The following MIGA1 variants were observed in gnomAD, a reference collection of about 807,000 sequenced individuals.
MIGA1 encodes mitoguardin 1, also known as family with sequence similarity 73, member A.
In MIGA1, 58 loss-of-function variants were observed where a neutral mutation model predicts 82.0. The ratio of observed to expected loss-of-function variants is 0.71; its 90% CI spans 0.57 to 0.88. The LOEUF (loss-of-function observed/expected upper bound fraction) is 0.88. MIGA1 is among the 40% of genes least tolerant of loss of function. The pLI, the probability that MIGA1 is intolerant of heterozygous loss-of-function variation, is 0.00. For synonymous variants in MIGA1, 249 were observed against 253.6 expected (o/e 0.98, Z 0.17); for missense variants, 751 against 749.1 (o/e 1.00, Z -0.03).
rs1294790913 is a variant in MIGA1, at chr1:77,875,024, A to G, written c.1859A>G (p.His620Arg). The G allele has an allele frequency of 1.2e-6, 2 of 1,614,182 alleles. No individual in the cohort carries two copies. Among genetic ancestry groups the G allele is most frequent in the Non-Finnish European group, 1.7e-6 (2 of 1,180,020 alleles). Reference sequence around the variant, plus strand: ...AGTAGTTGTCTAAGCAGTCATGGTCATGTTATGTCCACTGGGCTACTGGAA... The same window carrying G: ...AGTAGTTGTCTAAGCAGTCATGGTCGTGTTATGTCCACTGGGCTACTGGAA... The change falls in exon 16 of 16, where the codon CAT becomes CGT. Residue 620 changes from histidine (H) to arginine (R), a missense_variant. Transcript: ENST00000370791.
chr1:77,847,900 A>G, intron 8 of MIGA1: 1 of 1,515,300 alleles, frequency 6.6e-7, no homozygotes, highest in East Asian at 2.3e-5. Flanking sequence ...AAGAGCAGCA[A>G]GGATGATGAA....
chr1:77,867,125 T>C (rs939843198), intron 14 of MIGA1, among the ~76,000 whole-genome samples: 1 of 152,190 alleles, frequency 6.6e-6, no homozygotes, highest in East Asian at 1.9e-4. Context: ...CCTTCACGCC[T>C]CACACCCTGT....
At chr1:77,832,535 A>G (rs1240345385) in intron 7 of MIGA1, among the ~76,000 whole-genome samples, 1 of 152,242 alleles carries the variant, frequency 6.6e-6, no homozygotes, top group Admixed American at 6.5e-5. Flanking sequence ...GGCTCATGGG[A>G]ACGTTTCACA....
intron 2 of MIGA1, among the ~76,000 whole-genome samples, chr1:77,795,097 G>A (rs1296248689): frequency 6.6e-6 from 1 of 151,630 alleles, no homozygotes; most frequent in Non-Finnish European, 1.5e-5. Context: ...CCGAGTAGCT[G>A]GGACTACAGG....
At chr1:77,821,066 G>A (rs1683787960) in intron 7 of MIGA1, among the ~76,000 whole-genome samples, 1 of 152,016 alleles carries the variant, frequency 6.6e-6, no homozygotes, top group Non-Finnish European at 1.5e-5. Context: ...GCTGGGAGGT[G>A]GAGGTTGCAG....
At chr1:77,799,719 A>C (rs1384539393) in intron 2 of MIGA1, among the ~76,000 whole-genome samples, 1 of 150,578 alleles carries the variant, frequency 6.6e-6, no homozygotes, top group East Asian at 1.9e-4. Flanking sequence ...AGAATTGTTT[A>C]TAGGATCCTT....
intron 7 of MIGA1, among the ~76,000 whole-genome samples, chr1:77,835,262 G>A (rs1258201873): frequency 6.6e-6 from 1 of 152,176 alleles, no homozygotes; most frequent in Non-Finnish European, 1.5e-5. Context: ...GTAAGGCTTG[G>A]ATCCAGTCAG....
chr1:77,811,962 C>A (rs530827257), intron 5 of MIGA1, among the ~76,000 whole-genome samples: 21 of 152,256 alleles, frequency 1.4e-4, no homozygotes, highest in Admixed American at 7.2e-4. Context: ...GAGGAAGATT[C>A]AAAAGCTATT....
At chr1:77,780,046 CT>C in intron 1 of MIGA1, 1 of 1,129,784 alleles carries the variant, frequency 8.9e-7, no homozygotes, top group Non-Finnish European at 1.1e-6. Context: ...TTGGGATGGG[CT>C]CGCCACTGCT....
At chr1:77,847,699 A>T in intron 8 of MIGA1, 1 of 1,581,648 alleles carries the variant, frequency 6.3e-7, no homozygotes, top group Non-Finnish European at 8.7e-7. Flanking sequence ...CACTTACTAA[A>T]TCAAGCAGTT....
At position 77,817,050 on chromosome 1, in the gene MIGA1, A is replaced by G. The variant is rs186642101; in HGVS notation, c.895+1819A>G. On this transcript the variant is annotated intron_variant, in intron 7 of 15. Coordinates refer to ENST00000370791, the MANE Select transcript of MIGA1 (RefSeq NM_198549.4). ...TGGCAGTTTCTTTTAGCCTCATTAT[A>G]AGGATCTTGTGGATGTGTAGTTCTT... Among the ~76,000 whole-genome samples the G allele has an allele frequency of 9.3e-4, 141 of 152,352 alleles. 1 individual carries two copies. Among genetic ancestry groups the G allele is most frequent in the African/African-American group, 3.2e-3 (135 of 41,580 alleles).
At chr1:77,795,785 A>G (rs1354704547) in intron 2 of MIGA1, among the ~76,000 whole-genome samples, 1 of 151,278 alleles carries the variant, frequency 6.6e-6, no homozygotes, top group Non-Finnish European at 1.5e-5. Flanking sequence ...GTGCGCCACC[A>G]TGCCTGGCTA....
rs980250399 is a variant in MIGA1 at position 77,877,727 on chromosome 1, C to G, written c.*2663C>G. The G allele has an allele frequency of 6.6e-6, 1 of 152,618 alleles. No individual in the cohort carries two copies. The allele number at this position is 152,618 out of a possible 1,614,324, so 9.5% of individuals were successfully genotyped here. A position where few individuals can be genotyped will look rare whatever the true frequency, so the allele number is the denominator to read the frequency against. ...TTGAAATCAATTTTGAAGAATTGCA[C>G]TATTTGATAATGCTGCTACTACATG... On this transcript the variant is annotated 3_prime_UTR_variant, in exon 16 of 16. Coordinates refer to ENST00000370791, the MANE Select transcript of MIGA1 (RefSeq NM_198549.4).
intron 13 of MIGA1, 39 bp from the exon 14 acceptor site, chr1:77,866,299 A>C (rs1220688428): frequency 6.3e-7 from 1 of 1,577,234 alleles, no homozygotes; most frequent in South Asian, 1.1e-5. Context: ...ATGTTTATAT[A>C]GCTATATATA....
chr1:77,835,690 G>A (rs755822452), intron 7 of MIGA1, among the ~76,000 whole-genome samples: 1 of 152,274 alleles, frequency 6.6e-6, no homozygotes, highest in East Asian at 1.9e-4. Flanking sequence ...GCTCACAGCT[G>A]TAATCCCAGC....
intron 7 of MIGA1, among the ~76,000 whole-genome samples, chr1:77,840,076 T>C (rs1377900018): frequency 2.6e-5 from 4 of 152,220 alleles, no homozygotes; most frequent in African/African-American, 7.2e-5. Flanking sequence ...TAAAATTTAA[T>C]TGGATGCATG....
At chr1:77,790,224 A>G (rs746055371) in intron 2 of MIGA1, among the ~76,000 whole-genome samples, 1 of 152,244 alleles carries the variant, frequency 6.6e-6, no homozygotes, top group Non-Finnish European at 1.5e-5. Flanking sequence ...ATCAAGATCC[A>G]GAACTCTTCT....
In MIGA1 at chr1:77,779,958, G is replaced by C. The variant is rs999450029; in HGVS notation, c.81+222G>C. 15 of 1,356,024 alleles carry C rather than the reference G, an allele frequency of 1.1e-5. No individual in the cohort carries two copies. The Admixed American group carries it at 2.8e-4, about 25-fold the overall frequency. The allele number at this position is 1,356,024 out of a possible 1,614,324, so 84.0% of individuals were successfully genotyped here. ...CGTCTCATCTCAGAAGCTAAGCAGGGTCGGGCCTGGTTAGTACTTGCATAG... is the reference window on the plus strand; with the variant it reads ...CGTCTCATCTCAGAAGCTAAGCAGGCTCGGGCCTGGTTAGTACTTGCATAG... On this transcript the variant is annotated intron_variant, in intron 1 of 15. Transcript: ENST00000370791.
At position 77,813,675 on chromosome 1, in the gene MIGA1, A is replaced by G. The variant is rs373603725; in HGVS notation, c.638-59A>G. 7.1e-5 allele frequency: 113 copies of G among 1,581,618 alleles called. No homozygotes were observed. In the East Asian group the frequency reaches 1.1e-3, roughly 15 times the overall value. On this transcript the variant is annotated intron_variant, in intron 5 of 15. Transcript: ENST00000370791. Reference sequence around the variant, plus strand: ...ATGTATGAAAACATTTCAGGCCCCAATAATTTTATTTTGGCATTGATTTTG... The same window carrying G: ...ATGTATGAAAACATTTCAGGCCCCAGTAATTTTATTTTGGCATTGATTTTG...
Sources: gnomAD v4.1 joint callset for allele counts (sites outside exome capture counted in the v4.1 genomes callset) on GRCh38, gnomAD v4.1.1 for gene constraint, MANE v1.5 for transcripts, NCBI Gene and HGNC (gene_info 2026-07-23, HGNC 2026-07-21) for gene names.